The following SEMA6D variants were observed in gnomAD, a reference collection of about 807,000 sequenced individuals.
The protein encoded by SEMA6D is semaphorin 6D, also known as semaphorin-6D.
Under a neutral mutation model 106.6 loss-of-function variants are expected in SEMA6D, and 35 were observed. That is an observed-to-expected ratio of 0.33 (90% CI 0.25 to 0.44). The LOEUF is 0.44. Ranked by LOEUF, SEMA6D falls within the 20% of genes least tolerant of loss-of-function variation. The pLI is 1.00. For synonymous variants in SEMA6D, 499 were observed against 487.7 expected, an observed-to-expected ratio of 1.02 and a Z score of -0.31; for missense variants, 1,185 against 1,345.9, an observed-to-expected ratio of 0.88 and a Z score of 1.87.
chr15:47,695,471 C>A (rs998673018), intron 4 of SEMA6D, among the ~76,000 whole-genome samples: 4 of 152,052 alleles, frequency 2.6e-5, no homozygotes, highest in African/African-American at 4.8e-5. Flanking sequence ...GCCCTGATAA[C>A]CTCTACATAG....
chr15:47,365,617 T>G (rs1281177179), intron 1 of SEMA6D, among the ~76,000 whole-genome samples: 2 of 152,044 alleles, frequency 1.3e-5, no homozygotes, highest in Non-Finnish European at 2.9e-5. Context: ...TCCCAGCACT[T>G]TGAGAGGCCG....
At chr15:47,273,856 TTGAC>T (rs1163768840) in intron 1 of SEMA6D, among the ~76,000 whole-genome samples, 42 of 152,200 alleles carry the variant, frequency 2.8e-4, no homozygotes, top group African/African-American at 9.6e-4. Context: ...AATGTAATAA[TTGAC>T]TGTCAGTGGA....
At chr15:47,242,058 C>T (rs1223916518) in intron 1 of SEMA6D, among the ~76,000 whole-genome samples, 1 of 152,042 alleles carries the variant, frequency 6.6e-6, no homozygotes, top group Non-Finnish European at 1.5e-5. Flanking sequence ...GGATAAGTCA[C>T]TCGATCACTC....
chr15:47,742,881 G>T (rs1187746252), intron 1 of SEMA6D, among the ~76,000 whole-genome samples: 3 of 152,190 alleles, frequency 2.0e-5, no homozygotes, highest in Non-Finnish European at 4.4e-5. Flanking sequence ...TCAAAGAGCT[G>T]CAGGTCTCTA....
At chr15:47,642,482 T>C (rs1325005803) in intron 4 of SEMA6D, among the ~76,000 whole-genome samples, 1 of 152,024 alleles carries the variant, frequency 6.6e-6, no homozygotes, top group Non-Finnish European at 1.5e-5. Flanking sequence ...ACACTGTGAG[T>C]ACAGCAGAGG....
At chr15:47,303,471 C>A (rs2036103463) in intron 1 of SEMA6D, among the ~76,000 whole-genome samples, 1 of 152,160 alleles carries the variant, frequency 6.6e-6, no homozygotes, top group African/African-American at 2.4e-5. Context: ...GGGGCTCCTC[C>A]TCATCAACCT....
intron 2 of SEMA6D, among the ~76,000 whole-genome samples, chr15:47,458,864 A>C (rs2042418993): frequency 6.6e-6 from 1 of 152,022 alleles, no homozygotes; most frequent in African/African-American, 2.4e-5. Flanking sequence ...TGAGGTCAAA[A>C]CCAAAAATAA....
At chr15:47,259,566 A>G (rs891417142) in intron 1 of SEMA6D, among the ~76,000 whole-genome samples, 4 of 151,802 alleles carry the variant, frequency 2.6e-5, no homozygotes, top group Non-Finnish European at 5.9e-5. Flanking sequence ...TTTTCCCCCA[A>G]TAGGTAGTGT....
chr15:47,226,465 T>C (rs1167791908), intron 1 of SEMA6D, among the ~76,000 whole-genome samples: 1 of 152,078 alleles, frequency 6.6e-6, no homozygotes, highest in Non-Finnish European at 1.5e-5. Flanking sequence ...GTAGTGACAA[T>C]AGATGCCAGA....
intron 2 of SEMA6D, among the ~76,000 whole-genome samples, chr15:47,450,907 G>A (rs532364100): frequency 6.6e-5 from 10 of 152,000 alleles, no homozygotes; most frequent in Non-Finnish European, 1.3e-4. Flanking sequence ...TTCTCAACAG[G>A]CCACACATCA....
At position 47,352,533 on chromosome 15, in the gene SEMA6D, G is replaced by T. The variant is rs575553451; in HGVS notation, c.-238-59860G>T. Among the ~76,000 whole-genome samples, 7 of 152,316 alleles carry T rather than the reference G, an allele frequency of 4.6e-5. 1 individual carries two copies. In the South Asian group the frequency reaches 1.5e-3, roughly 32 times the overall value. ...GATGGATGTAGTTCGGGCTAATGAG[G>T]CAGCAGGTAGACCCATGAGGAGCTG... On this transcript the variant is annotated intron_variant, in intron 1 of 19. Coordinates refer to the SEMA6D transcript ENST00000558014.
Position 47,290,679 on chromosome 15 carries a change from C to T in SEMA6D, c.-239+106261C>T, listed in dbSNP as rs78723077. On this transcript the variant is annotated intron_variant, in intron 1 of 19. Transcript: ENST00000558014. The stretch of plus-strand genomic sequence containing the variant: ...ATTTAGAGTGACATCCTTTCTGCTA[C>T]ACTAGTGTCATATCACTTATTTGAA... Among the ~76,000 whole-genome samples the T allele has an allele frequency of 2.6e-4, 39 of 152,154 alleles. No individual in the cohort carries two copies. In the East Asian group the frequency reaches 7.0e-3, roughly 27 times the overall value.
At chr15:47,493,772 A>G (rs914445027) in intron 3 of SEMA6D, among the ~76,000 whole-genome samples, 3 of 152,172 alleles carry the variant, frequency 2.0e-5, no homozygotes, top group African/African-American at 7.2e-5. Context: ...TAATTTATCC[A>G]AGACTGATTC....
At chr15:47,213,203 T>G (rs2030213165) in intron 1 of SEMA6D, among the ~76,000 whole-genome samples, 1 of 152,236 alleles carries the variant, frequency 6.6e-6, no homozygotes, top group African/African-American at 2.4e-5. Flanking sequence ...ATGTGGCTAG[T>G]GGCTGTGTAT....
At chr15:47,208,811 C>T (rs1443607056) in intron 1 of SEMA6D, among the ~76,000 whole-genome samples, 1 of 152,074 alleles carries the variant, frequency 6.6e-6, no homozygotes, top group Non-Finnish European at 1.5e-5. Flanking sequence ...TGGGCATGTC[C>T]TATAACATCT....
At chr15:47,723,176 T>G (rs1009884873) in intron 1 of SEMA6D, among the ~76,000 whole-genome samples, 18 of 152,208 alleles carry the variant, frequency 1.2e-4, no homozygotes, top group African/African-American at 4.3e-4. Flanking sequence ...ACGGTGGATG[T>G]GCTCTTAAAT....
At chr15:47,226,755 A>G (rs76454802) in intron 1 of SEMA6D, among the ~76,000 whole-genome samples, 1,866 of 152,154 alleles carry the variant, frequency 0.012, 57 homozygotes, top group Admixed American at 0.013. Context: ...GCCACAAAAA[A>G]AACAAGATAA....
At chr15:47,736,289 A>T (rs1049909825) in intron 1 of SEMA6D, among the ~76,000 whole-genome samples, 1 of 152,172 alleles carries the variant, frequency 6.6e-6, no homozygotes, top group South Asian at 2.1e-4. Context: ...GCTGATTTGA[A>T]AAGAGCCACA....
intron 4 of SEMA6D, among the ~76,000 whole-genome samples, chr15:47,704,124 G>A (rs1035493470): frequency 6.6e-6 from 1 of 152,030 alleles, no homozygotes; most frequent in Non-Finnish European, 1.5e-5. Flanking sequence ...ATTTTTATCT[G>A]TCAGTATATA....
Sources: allele counts gnomAD v4.1 joint callset (sites outside exome capture counted in the v4.1 genomes callset), GRCh38; gene constraint gnomAD v4.1.1; transcripts MANE v1.5; gene names NCBI Gene and HGNC (gene_info 2026-07-23, HGNC 2026-07-21).